The following SAMD5 variants were observed in gnomAD, a reference collection of about 807,000 sequenced individuals.
The protein encoded by SAMD5 is sterile alpha motif domain containing 5, also known as sterile alpha motif domain-containing protein 5.
Under a neutral mutation model 11.3 loss-of-function variants are expected in SAMD5, and 13 were observed. The ratio of observed to expected loss-of-function variants is 1.15; its 90% confidence interval spans 0.75 to 1.83. The LOEUF (loss-of-function observed/expected upper bound fraction) is 1.83, where lower values mean the gene tolerates loss of function less well. SAMD5 is among the 40% of genes most tolerant of loss of function. The probability of loss-of-function intolerance (pLI) is 0.00; values close to 1 mark genes in which losing one functional copy is unlikely to be tolerated. For missense variants in SAMD5, 255 were observed against 239.1 expected, an observed-to-expected ratio of 1.07 and a Z score of -0.44; for synonymous variants, 129 against 111.3, an observed-to-expected ratio of 1.16 and a Z score of -1.00.
chr6:147,823,024 C>T, the SAMD5 span, among the ~76,000 whole-genome samples: 1 of 152,114 alleles, frequency 6.6e-6, no homozygotes, highest in Admixed American at 6.5e-5. Context: ...ACCACGTTGG[C>T]CAGGCTGGTC....
the SAMD5 span, among the ~76,000 whole-genome samples, chr6:147,906,898 G>A: frequency 6.6e-6 from 1 of 152,168 alleles, no homozygotes; most frequent in African/African-American, 2.4e-5. Context: ...GAGAGCTGTA[G>A]CTTGAGGATT....
chr6:147,857,404 G>A, the SAMD5 span, among the ~76,000 whole-genome samples: 2 of 151,788 alleles, frequency 1.3e-5, no homozygotes, highest in East Asian at 3.9e-4. Flanking sequence ...CTATTCCAGT[G>A]GCCGTGGTGG....
rs1583148913 is a variant in SAMD5 at position 147,711,142 on chromosome 6, T to C, written c.163-26175T>C. Reference sequence around the variant, plus strand: ...TGTTGTAGAGAGAAGGAATTGGTATTAATGGAGAACTTATTATTTATCCTA... The same window carrying C: ...TGTTGTAGAGAGAAGGAATTGGTATCAATGGAGAACTTATTATTTATCCTA... On this transcript the variant is annotated intron_variant, in intron 1 of 1. Transcript: ENST00000566741. This position sits in a 1 kb window ranked among gnomAD's most constrained non-coding sequence, Gnocchi z 4.1. Among the ~76,000 whole-genome samples, 1 of 152,108 alleles carries C rather than the reference T, an allele frequency of 6.6e-6. No homozygotes were observed. The highest frequency in any genetic ancestry group is 1.9e-4 in the East Asian group (1 of 5,186).
At chr6:147,638,295 A>C (rs919004114) in intron 1 of SAMD5, among the ~76,000 whole-genome samples, 2 of 152,362 alleles carry the variant, frequency 1.3e-5, no homozygotes, top group Admixed American at 1.3e-4. Context: ...CATTAGCATT[A>C]GTCCATTTAT....
At chr6:147,815,319 C>T in the SAMD5 span, among the ~76,000 whole-genome samples, 5 of 152,132 alleles carry the variant, frequency 3.3e-5, no homozygotes, top group Admixed American at 6.5e-5. Flanking sequence ...ATGTGCCAGG[C>T]GATGTGCTGG....
intron 1 of SAMD5, among the ~76,000 whole-genome samples, chr6:147,592,914 A>T (rs764021312): frequency 2.6e-5 from 4 of 152,138 alleles, no homozygotes; most frequent in Admixed American, 6.5e-5. Context: ...GAACCTCCTT[A>T]AGCCAGAGAA....
intron 1 of SAMD5, among the ~76,000 whole-genome samples, chr6:147,648,573 A>C (rs1224521456): frequency 6.6e-6 from 1 of 152,232 alleles, no homozygotes; most frequent in Non-Finnish European, 1.5e-5. Context: ...CTTTTAGCTG[A>C]TGTACAAGAC....
chr6:147,512,260 T>C (rs1788102034), intron 1 of SAMD5, among the ~76,000 whole-genome samples: 1 of 152,168 alleles, frequency 6.6e-6, no homozygotes, highest in Non-Finnish European at 1.5e-5. Flanking sequence ...CCCGCCAGAA[T>C]GTGTAGTATT....
At chr6:147,939,441 A>C in the SAMD5 span, among the ~76,000 whole-genome samples, 1 of 152,140 alleles carries the variant, frequency 6.6e-6, no homozygotes, top group Admixed American at 6.5e-5. Context: ...GCCAGCACTC[A>C]TCCTCACTTT....
At chr6:147,823,068 C>T in the SAMD5 span, among the ~76,000 whole-genome samples, 1,197 of 152,242 alleles carry the variant, frequency 7.9e-3, 17 homozygotes, top group Middle Eastern at 0.041. Context: ...CCACCTGCCT[C>T]GGCCTCCCAA....
At chr6:147,924,668 T>C in the SAMD5 span, among the ~76,000 whole-genome samples, 3 of 151,576 alleles carry the variant, frequency 2.0e-5, no homozygotes, top group Non-Finnish European at 2.9e-5. Context: ...AAAACTAATA[T>C]ATAAATAAAC....
chr6:147,757,493 T>A, the SAMD5 span, among the ~76,000 whole-genome samples: 2 of 152,194 alleles, frequency 1.3e-5, no homozygotes, highest in African/African-American at 2.4e-5. Flanking sequence ...CTCTATTTGG[T>A]TAAGAGACAG....
At chr6:147,885,043 T>C in the SAMD5 span, among the ~76,000 whole-genome samples, 9 of 152,252 alleles carry the variant, frequency 5.9e-5, no homozygotes, top group Middle Eastern at 3.2e-3. Context: ...AAAAAGTTTT[T>C]AAAATCATAT....
At chr6:147,930,113 T>C in the SAMD5 span, among the ~76,000 whole-genome samples, 1 of 152,128 alleles carries the variant, frequency 6.6e-6, no homozygotes, top group African/African-American at 2.4e-5. Flanking sequence ...TCCACGAAAC[T>C]CTAGTGCATG....
the SAMD5 span, among the ~76,000 whole-genome samples, chr6:147,878,233 G>C: frequency 1.3e-5 from 2 of 151,968 alleles, no homozygotes; most frequent in African/African-American, 4.8e-5. Flanking sequence ...TACCTGGTGA[G>C]GACCCTCTTC....
At chr6:147,938,530 T>G in the SAMD5 span, among the ~76,000 whole-genome samples, 5 of 152,176 alleles carry the variant, frequency 3.3e-5, no homozygotes, top group African/African-American at 1.2e-4. Flanking sequence ...CTCTGGTCTT[T>G]CTGGCAGCCA....
At chr6:147,578,430 T>C (rs1239027763) in intron 1 of SAMD5, among the ~76,000 whole-genome samples, 1 of 152,204 alleles carries the variant, frequency 6.6e-6, no homozygotes, top group Admixed American at 6.5e-5. Flanking sequence ...CTAATGCTTC[T>C]CTCTGTTCAC....
intron 1 of SAMD5, among the ~76,000 whole-genome samples, chr6:147,690,601 A>T (rs879778286): frequency 1.3e-5 from 2 of 152,194 alleles, no homozygotes; most frequent in African/African-American, 2.4e-5. Context: ...GTGAGCCGAG[A>T]TTGCACCACT....
chr6:147,796,298 T>C, the SAMD5 span, among the ~76,000 whole-genome samples: 1 of 151,892 alleles, frequency 6.6e-6, no homozygotes, highest in Non-Finnish European at 1.5e-5. Flanking sequence ...TAGCCAGTTT[T>C]CCCAGCACCA....
Sources: gnomAD v4.1 joint callset for allele counts (sites outside exome capture counted in the v4.1 genomes callset) on GRCh38, gnomAD v4.1.1 for gene constraint, Gnocchi (gnomAD v3.1) non-coding constraint, MANE v1.5 for transcripts, NCBI Gene and HGNC (gene_info 2026-07-23, HGNC 2026-07-21) for gene names.